Variants in MAF observed in about 807,000 individuals in gnomAD.
The protein encoded by MAF is MAF bZIP transcription factor.
A neutral mutation model predicts 22.0 loss-of-function variants in MAF; 10 were observed. That is an observed-to-expected ratio of 0.45 (90% CI 0.28 to 0.77). The LOEUF (loss-of-function observed/expected upper bound fraction) is 0.77, where lower values mean the gene tolerates loss of function less well. Ranked by LOEUF, MAF falls within the 30% of genes least tolerant of loss-of-function variation. The pLI, the probability that MAF is intolerant of heterozygous loss-of-function variation, is 0.12. For synonymous variants in MAF, 337 were observed against 255.8 expected (o/e 1.32, Z -3.03); for missense variants, 544 against 548.4 (o/e 0.99, Z 0.08).
chr16:79,569,846 T>A, the MAF span, among the ~76,000 whole-genome samples: 1,232 of 152,228 alleles, frequency 8.1e-3, 18 homozygotes, highest in African/African-American at 0.029. Flanking sequence ...CCCCGGCTCT[T>A]AGGGAGGCAG....
chr16:79,486,317 T>C, the MAF span, among the ~76,000 whole-genome samples: 1 of 152,212 alleles, frequency 6.6e-6, no homozygotes, highest in Non-Finnish European at 1.5e-5. Context: ...TTTTTCAAAA[T>C]GGTTATTTTC....
At chr16:79,479,637 G>C in the MAF span, among the ~76,000 whole-genome samples, 6 of 152,190 alleles carry the variant, frequency 3.9e-5, no homozygotes, top group Non-Finnish European at 8.8e-5. Context: ...AATCAGGCCA[G>C]TTATGCGGAT....
At chr16:79,555,175 C>T in the MAF span, among the ~76,000 whole-genome samples, 1 of 152,224 alleles carries the variant, frequency 6.6e-6, no homozygotes, top group Non-Finnish European at 1.5e-5. Flanking sequence ...TACTGCATCA[C>T]TTTGTATTTG....
chr16:79,406,896 T>A, the MAF span, among the ~76,000 whole-genome samples: 1 of 151,978 alleles, frequency 6.6e-6, no homozygotes, highest in South Asian at 2.1e-4. Flanking sequence ...TTGCCCCACA[T>A]CCCAGAGCCA....
chr16:79,222,868 G>C, the MAF span, among the ~76,000 whole-genome samples: 1 of 152,154 alleles, frequency 6.6e-6, no homozygotes, highest in Non-Finnish European at 1.5e-5. Flanking sequence ...AACTCATAAA[G>C]CAAGTTCTTA....
chr16:79,212,159 C>T, the MAF span: 4 of 1,494,604 alleles, frequency 2.7e-6, no homozygotes, highest in Non-Finnish European at 3.5e-6. Context: ...ATCCAGCTAC[C>T]ACCACGGCCA....
At chr16:79,403,864 C>G in the MAF span, among the ~76,000 whole-genome samples, 1 of 152,122 alleles carries the variant, frequency 6.6e-6, no homozygotes, top group South Asian at 2.1e-4. Flanking sequence ...TCACAGAGAG[C>G]CTTTCTTTGT....
the MAF span, among the ~76,000 whole-genome samples, chr16:79,285,334 T>C: frequency 5.4e-4 from 82 of 152,360 alleles, no homozygotes; most frequent in African/African-American, 2.0e-3. Flanking sequence ...AGGTCCATTC[T>C]GGGCACTGTT....
the MAF span, among the ~76,000 whole-genome samples, chr16:79,519,351 C>G: frequency 6.6e-6 from 1 of 152,168 alleles, no homozygotes; most frequent in Non-Finnish European, 1.5e-5. Context: ...ATTGCAACTC[C>G]CAGAGGTTAG....
chr16:79,502,184 A>C, the MAF span, among the ~76,000 whole-genome samples: 1 of 152,162 alleles, frequency 6.6e-6, no homozygotes, highest in Non-Finnish European at 1.5e-5. Flanking sequence ...CATACGGTGG[A>C]AGGAGCATGG....
At chr16:79,450,363 T>C in the MAF span, among the ~76,000 whole-genome samples, 1 of 152,222 alleles carries the variant, frequency 6.6e-6, no homozygotes, top group Non-Finnish European at 1.5e-5. Context: ...TGCACCTGCA[T>C]TGGAGAAATG....
At chr16:79,482,513 A>G in the MAF span, among the ~76,000 whole-genome samples, 17 of 152,192 alleles carry the variant, frequency 1.1e-4, no homozygotes, top group Non-Finnish European at 2.2e-4. Context: ...TTCCTGCTTG[A>G]TAAGAAGGAG....
intron 1 of MAF, among the ~76,000 whole-genome samples, chr16:79,588,443 C>CT (rs111566050): frequency 2.4e-4 from 36 of 151,280 alleles, no homozygotes; most frequent in Middle Eastern, 3.4e-3. Flanking sequence ...TTCTTTCTTT[C>CT]TTTTTTTTTA....
chr16:79,500,453 C>G, the MAF span, among the ~76,000 whole-genome samples: 1 of 152,160 alleles, frequency 6.6e-6, no homozygotes, highest in Admixed American at 6.5e-5. Context: ...TCTGCAGAAG[C>G]GCAGACACCA....
chr16:79,350,165 G>A, the MAF span, among the ~76,000 whole-genome samples: 11 of 152,164 alleles, frequency 7.2e-5, no homozygotes, highest in Non-Finnish European at 1.6e-4. Context: ...TGCCCTCTCT[G>A]TCTCTCCAAA....
At chr16:79,426,658 A>G in the MAF span, among the ~76,000 whole-genome samples, 1 of 152,314 alleles carries the variant, frequency 6.6e-6, no homozygotes, top group Non-Finnish European at 1.5e-5. Flanking sequence ...CCCCTGAGCC[A>G]GCCTAGCTAT....
At chr16:79,286,333 T>G in the MAF span, among the ~76,000 whole-genome samples, 1 of 152,168 alleles carries the variant, frequency 6.6e-6, no homozygotes, top group Non-Finnish European at 1.5e-5. Context: ...CTATGGAACC[T>G]TCTTAGAAAA....
the MAF span, among the ~76,000 whole-genome samples, chr16:79,459,674 G>A: frequency 4.9e-4 from 75 of 151,856 alleles, no homozygotes; most frequent in African/African-American, 1.7e-3. Context: ...CTGGGCTCAG[G>A]TGATTCTCCT....
At chr16:79,491,604 A>G in the MAF span, among the ~76,000 whole-genome samples, 5 of 152,184 alleles carry the variant, frequency 3.3e-5, no homozygotes, top group Non-Finnish European at 7.3e-5. Flanking sequence ...ATAAGCCTGG[A>G]TTTGCATGCA....
Sources: allele counts gnomAD v4.1 joint callset (sites outside exome capture counted in the v4.1 genomes callset), GRCh38; gene constraint gnomAD v4.1.1; transcripts MANE v1.5; gene names NCBI Gene and HGNC (gene_info 2026-07-23, HGNC 2026-07-21).